The following NXPE1 variants were observed in gnomAD, a reference collection of about 807,000 sequenced individuals.
The protein encoded by NXPE1 is neurexophilin and PC-esterase domain family member 1.
A neutral mutation model predicts 33.3 loss-of-function variants in NXPE1; 31 were observed. The observed-to-expected ratio is 0.93, with a 90% CI of 0.70 to 1.26. The LOEUF is 1.26. Ranked by LOEUF, NXPE1 falls within the 50% of genes most tolerant of loss-of-function variation. NXPE1 has a pLI of 0.00. For missense variants in NXPE1, 661 were observed against 655.6 expected (o/e 1.01, Z -0.09); for synonymous variants, 229 against 231.4 (o/e 0.99, Z 0.09).
chr11:114,522,239 T>G, exon 9 of NXPE1: 1 of 1,614,154 alleles, frequency 6.2e-7, no homozygotes, highest in Non-Finnish European at 8.5e-7. Flanking sequence ...AATAGCCTTT[T>G]GAACACCGAT....
exon 6 of NXPE1, chr11:114,530,611 G>T: frequency 1.2e-6 from 2 of 1,614,092 alleles, no homozygotes; most frequent in African/African-American, 1.3e-5. Context: ...CCACCATATT[G>T]CTTCCTCTGT....
At chr11:114,534,673 G>GAAAGGGTATCAGTGATGGAAGAC (rs1947728117) in intron 5 of NXPE1, among the ~76,000 whole-genome samples, 5 of 152,212 alleles carry the variant, frequency 3.3e-5, no homozygotes, top group Non-Finnish European at 5.9e-5. Flanking sequence ...TCAACTGGAA[G>GAAAGGGTATCAGTGATGGAAGAC]AAAGGGTATC....
chr11:114,547,567 C>G (rs1206451503), intron 5 of NXPE1, among the ~76,000 whole-genome samples: 1 of 151,988 alleles, frequency 6.6e-6, no homozygotes, highest in Non-Finnish European at 1.5e-5. Context: ...AAACGCATCT[C>G]TCCCAAAAAA....
chr11:114,546,142 T>C (rs1378788984), intron 5 of NXPE1, among the ~76,000 whole-genome samples: 1 of 152,244 alleles, frequency 6.6e-6, no homozygotes, highest in East Asian at 1.9e-4. Flanking sequence ...TAAGCTGCTT[T>C]GGAAATTAAT....
At chr11:114,524,292 G>A (rs1947301589) in intron 7 of NXPE1, among the ~76,000 whole-genome samples, 1 of 152,162 alleles carries the variant, frequency 6.6e-6, no homozygotes, top group Non-Finnish European at 1.5e-5. Context: ...TATTACTAAA[G>A]AAGGAGAAGG....
At chr11:114,535,005 G>A (rs1947746093) in intron 5 of NXPE1, among the ~76,000 whole-genome samples, 1 of 152,044 alleles carries the variant, frequency 6.6e-6, no homozygotes, top group Admixed American at 6.5e-5. Context: ...TTAAATGAAG[G>A]AAAAAATGTT....
At chr11:114,519,627 G>A (rs1330952519), downstream of NXPE1, among the ~76,000 whole-genome samples, 2 of 152,134 alleles carry the variant, frequency 1.3e-5, no homozygotes, top group African/African-American at 4.8e-5. Context: ...GTGATTGGGA[G>A]TTTGACAGGT....
intron 7 of NXPE1, among the ~76,000 whole-genome samples, chr11:114,525,243 GA>G (rs972417553): frequency 6.6e-5 from 10 of 151,902 alleles, no homozygotes; most frequent in African/African-American, 2.4e-4. Context: ...CAAACTTTGG[GA>G]GTAGGTTTGC....
exon 9 of NXPE1, chr11:114,522,127 A>G (rs1222857362): frequency 6.2e-7 from 1 of 1,614,080 alleles, no homozygotes. Context: ...AGTGAATATA[A>G]CCATGGAAGT....
exon 6 of NXPE1, chr11:114,530,648 G>A (rs1565300988): frequency 6.2e-7 from 1 of 1,614,134 alleles, no homozygotes; most frequent in Admixed American, 1.7e-5. Flanking sequence ...CCTCCAGTAG[G>A]ATGTCCAGCT....
chr11:114,522,087 G>C lies in NXPE1; in HGVS notation c.1525C>G (p.Leu509Val), dbSNP rs758932978. Residue 509 changes from leucine to valine, a missense_variant, in exon 9 of 9, where the codon CTC becomes GTC. Transcript: ENST00000534921. ...CAGGCATCAATGATGCCCACGTTGA[G>C]GTCTTTGAAAATATCCTTCATGATA... 3.7e-6 allele frequency: 6 copies of C among 1,613,912 alleles called. No homozygotes were observed. In the Admixed American group the frequency reaches 6.7e-5, roughly 18 times the overall value.
intron 1 of NXPE1, among the ~76,000 whole-genome samples, chr11:114,559,209 C>T (rs1948722325): frequency 6.6e-6 from 1 of 152,172 alleles, no homozygotes; most frequent in Non-Finnish European, 1.5e-5. Context: ...TATGACTCAT[C>T]CTACTGCCCA....
intron 6 of NXPE1, chr11:114,529,018 T>G (rs1947471153): frequency 2.4e-6 from 1 of 413,304 alleles, no homozygotes; most frequent in Admixed American, 3.9e-5. Flanking sequence ...AAAACTTGGA[T>G]AATGAGGTAA....
intron 5 of NXPE1, among the ~76,000 whole-genome samples, chr11:114,536,311 A>G (rs1172964773): frequency 6.6e-6 from 1 of 152,246 alleles, no homozygotes; most frequent in Non-Finnish European, 1.5e-5. Flanking sequence ...ATAGCACTAA[A>G]TGCCCACAAG....
chr11:114,527,823 G>C lies in NXPE1; in HGVS notation c.895+17C>G. The C allele has an allele frequency of 6.3e-7, 1 of 1,590,530 alleles. No individual in the cohort carries two copies. Among genetic ancestry groups the C allele is most frequent in the African/African-American group, 1.4e-5 (1 of 74,008 alleles). ...TTTCCTCTGAGCATCACCTAACTCA[G>C]GACAGAGCCAACTTACTGTTACAAT... is the stretch of plus-strand genomic sequence containing the variant. On this transcript the variant is annotated intron_variant, in intron 7 of 8. Coordinates refer to ENST00000534921, the Ensembl canonical transcript of NXPE1.
At chr11:114,520,653 G>A (rs1330505571), downstream of NXPE1, among the ~76,000 whole-genome samples, 1 of 152,114 alleles carries the variant, frequency 6.6e-6, no homozygotes, top group Non-Finnish European at 1.5e-5. Context: ...GGGTCATATG[G>A]TAGTTCTGTT....
In NXPE1 at chr11:114,535,568, A is replaced by C. The variant is rs184709978; in HGVS notation, c.100-4660T>G. ...ACATGCAGAGACATACATAGGCTCA[A>C]AATAAAGGGATGGAGGAAGATCTAC... On this transcript the variant is annotated intron_variant, in intron 5 of 8. Coordinates refer to ENST00000534921, the Ensembl canonical transcript of NXPE1. Among the ~76,000 whole-genome samples, 872 of 152,336 alleles carry C rather than the reference A, an allele frequency of 5.7e-3. 3 individuals carry two copies. Among genetic ancestry groups the C allele is most frequent in the Non-Finnish European group, 7.8e-3 (528 of 68,022 alleles).
At position 114,530,155 on chromosome 11, in the gene NXPE1, T is replaced by C; in HGVS notation, c.833+20A>G. The stretch of plus-strand genomic sequence containing the variant: ...ACTTCTCAGGGGACACTTCTCAGTA[T>C]ACATGAAAAGTATACTCACCTGTGG... On this transcript the variant is annotated intron_variant, in intron 6 of 8. Transcript: ENST00000534921. 1 of 1,571,524 alleles carries C rather than the reference T, an allele frequency of 6.4e-7. No individual in the cohort carries two copies.
chr11:114,520,304 T>G (rs1472982518), downstream of NXPE1, among the ~76,000 whole-genome samples: 2 of 152,198 alleles, frequency 1.3e-5, no homozygotes, highest in African/African-American at 4.8e-5. Context: ...CTACCCTGTT[T>G]CTATGTGTAG....
Sources: allele counts gnomAD v4.1 joint callset (sites outside exome capture counted in the v4.1 genomes callset), GRCh38; gene constraint gnomAD v4.1.1; transcripts MANE v1.5; gene names NCBI Gene and HGNC (gene_info 2026-07-23, HGNC 2026-07-21).